The following PLCL1 variants were observed in gnomAD, a reference collection of about 807,000 sequenced individuals.
PLCL1 encodes inactive phospholipase C-like protein 1.
In PLCL1, 41 loss-of-function variants were observed where a neutral mutation model predicts 84.4. The observed-to-expected ratio is 0.49, with a 90% confidence interval of 0.38 to 0.63. The LOEUF is 0.63. PLCL1 is among the 30% of genes least tolerant of loss of function. The pLI is 0.00. For synonymous variants in PLCL1, 490 were observed against 488.3 expected, an observed-to-expected ratio of 1.00 and a Z score of -0.05; for missense variants, 1,206 against 1,367.8, an observed-to-expected ratio of 0.88 and a Z score of 1.87.
At chr2:197,903,768 G>A (rs1182049660) in intron 1 of PLCL1, among the ~76,000 whole-genome samples, 1 of 142,914 alleles carries the variant, frequency 7.0e-6, no homozygotes, top group Non-Finnish European at 1.5e-5. Flanking sequence ...CTCCCAAAGT[G>A]CTGGGATTAC....
intron 1 of PLCL1, among the ~76,000 whole-genome samples, chr2:198,046,033 G>A (rs1262230095): frequency 1.3e-5 from 2 of 152,070 alleles, no homozygotes; most frequent in African/African-American, 4.8e-5. Context: ...TGTCCCTTTT[G>A]ATGTTTTCAT....
At chr2:198,105,990 C>G (rs1693465290) in intron 5 of PLCL1, among the ~76,000 whole-genome samples, 1 of 151,844 alleles carries the variant, frequency 6.6e-6, no homozygotes, top group Admixed American at 6.6e-5. Context: ...AAAATAGCTA[C>G]AAACAAAATT....
chr2:197,943,119 GC>G (rs1388007228), intron 1 of PLCL1, among the ~76,000 whole-genome samples: 1 of 149,678 alleles, frequency 6.7e-6, no homozygotes, highest in Non-Finnish European at 1.5e-5. Context: ...AATCACTTGC[GC>G]CCAGGAGGTG....
intron 1 of PLCL1, among the ~76,000 whole-genome samples, chr2:198,044,111 G>T: frequency 6.6e-6 from 1 of 151,966 alleles, no homozygotes; most frequent in Non-Finnish European, 1.5e-5. Context: ...AAATAAAATT[G>T]AGGCCAAGTA....
chr2:198,031,550 G>A (rs1439170631), intron 1 of PLCL1, among the ~76,000 whole-genome samples: 1 of 151,668 alleles, frequency 6.6e-6, no homozygotes, highest in Admixed American at 6.6e-5. Context: ...GAATGCAGTG[G>A]TGTGATCAGA....
intron 1 of PLCL1, among the ~76,000 whole-genome samples, chr2:197,869,077 C>G (rs1035359114): frequency 1.3e-5 from 2 of 152,156 alleles, no homozygotes; most frequent in Non-Finnish European, 2.9e-5. Flanking sequence ...AGAGTCCTCT[C>G]TAGCTCTTAC....
chr2:197,927,772 T>A (rs1158348975), intron 1 of PLCL1, among the ~76,000 whole-genome samples: 1 of 152,286 alleles, frequency 6.6e-6, no homozygotes, highest in East Asian at 1.9e-4. Context: ...GATACTAAGA[T>A]GAAATAATTT....
chr2:198,111,030 C>G (rs1387866436), intron 5 of PLCL1, among the ~76,000 whole-genome samples: 1 of 151,772 alleles, frequency 6.6e-6, no homozygotes, highest in Non-Finnish European at 1.5e-5. Context: ...AAACAGCAGG[C>G]AAAGTGATTA....
intron 5 of PLCL1, among the ~76,000 whole-genome samples, chr2:198,114,085 A>G (rs1409732857): frequency 1.3e-5 from 2 of 151,866 alleles, no homozygotes; most frequent in Non-Finnish European, 2.9e-5. Flanking sequence ...TAATTGATGC[A>G]TCTATAATTT....
chr2:197,879,927 G>A (rs573228473), intron 1 of PLCL1, among the ~76,000 whole-genome samples: 1 of 152,232 alleles, frequency 6.6e-6, no homozygotes, highest in South Asian at 2.1e-4. Context: ...AGTATTTAAT[G>A]TCCAAAAGAG....
chr2:198,065,591 G>A (rs1003998440), intron 1 of PLCL1, among the ~76,000 whole-genome samples: 1 of 152,178 alleles, frequency 6.6e-6, no homozygotes, highest in African/African-American at 2.4e-5. Flanking sequence ...ATGGAAGGAT[G>A]TTGATTAAGT....
intron 1 of PLCL1, among the ~76,000 whole-genome samples, chr2:198,033,023 A>G (rs946603461): frequency 2.0e-5 from 3 of 152,194 alleles, no homozygotes; most frequent in Admixed American, 6.5e-5. Flanking sequence ...ACCAGGTAAC[A>G]TGGAAAGAGC....
At chr2:198,088,274 G>A (rs933911732) in intron 2 of PLCL1, among the ~76,000 whole-genome samples, 3 of 152,172 alleles carry the variant, frequency 2.0e-5, no homozygotes, top group Admixed American at 6.5e-5. Context: ...TCATTGTCAT[G>A]AAATTCATGA....
intron 1 of PLCL1, among the ~76,000 whole-genome samples, chr2:197,952,184 C>G (rs1309753194): frequency 6.6e-6 from 1 of 152,122 alleles, no homozygotes; most frequent in Non-Finnish European, 1.5e-5. Context: ...GTGATAGCCT[C>G]TTTTCTTCTC....
intron 1 of PLCL1, among the ~76,000 whole-genome samples, chr2:197,980,875 G>A (rs994147553): frequency 6.6e-5 from 10 of 152,138 alleles, no homozygotes; most frequent in African/African-American, 2.4e-4. Context: ...GTGGCAAATG[G>A]TCAGAGAAGG....
At chr2:197,897,100 T>TTCTTCC (rs1688151037) in intron 1 of PLCL1, among the ~76,000 whole-genome samples, 2 of 37,740 alleles carry the variant, frequency 5.3e-5, no homozygotes, top group Admixed American at 2.7e-4. Context: ...GTATGACTCC[T>TTCTTCC]TCTTCTTCTT....
At chr2:198,013,003 G>A (rs1300807166) in intron 1 of PLCL1, among the ~76,000 whole-genome samples, 1 of 151,952 alleles carries the variant, frequency 6.6e-6, no homozygotes, top group African/African-American at 2.4e-5. Flanking sequence ...TTATGTTATT[G>A]ATGACACAAT....
intron 1 of PLCL1, among the ~76,000 whole-genome samples, chr2:198,017,105 C>A (rs1350095416): frequency 6.6e-6 from 1 of 152,156 alleles, no homozygotes; most frequent in Admixed American, 6.6e-5. Flanking sequence ...GTGTGACAAT[C>A]CCTATGCATT....
chr2:198,050,537 A>G (rs1180579510), intron 1 of PLCL1, among the ~76,000 whole-genome samples: 1 of 152,238 alleles, frequency 6.6e-6, no homozygotes. Context: ...TTGATAAAAA[A>G]AAATACACAA....
Sources: gnomAD v4.1 joint callset for allele counts (sites outside exome capture counted in the v4.1 genomes callset) on GRCh38, gnomAD v4.1.1 for gene constraint, MANE v1.5 for transcripts, NCBI Gene and HGNC (gene_info 2026-07-23, HGNC 2026-07-21) for gene names.